LMF1: variants seen among roughly 807,000 people sequenced by gnomAD.
LMF1 encodes the protein transmembrane protein 112.
Under a neutral mutation model 60.6 loss-of-function variants are expected in LMF1, and 68 were observed. The ratio of observed to expected loss-of-function variants is 1.12; its 90% CI spans 0.92 to 1.37. The LOEUF (loss-of-function observed/expected upper bound fraction) is 1.37. Ranked by LOEUF, LMF1 falls within the 40% of genes most tolerant of loss-of-function variation. LMF1 has a pLI of 0.00. For missense variants in LMF1, 948 were observed against 767.2 expected (o/e 1.24, Z -2.78); for synonymous variants, 418 against 324.7 (o/e 1.29, Z -3.09).
At chr16:886,288 C>G (rs538403376) in intron 5 of LMF1, among the ~76,000 whole-genome samples, 136 of 152,266 alleles carry the variant, frequency 8.9e-4, no homozygotes, top group African/African-American at 3.2e-3. Context: ...GGTAGAACAG[C>G]CGTGAGCACT....
At chr16:934,373 C>A in intron 2 of LMF1, 119 bp from the exon 3 acceptor site, 1 of 1,330,498 alleles carries the variant, frequency 7.5e-7, no homozygotes, top group Non-Finnish European at 1.1e-6. Flanking sequence ...GTCAGGGAAG[C>A]CCTGCGAGGA....
Position 858,972 on chromosome 16 carries a change from T to TGTGCAGTGGTGC in LMF1, c.1530-4267_1530-4266insGCACCACTGCAC, listed in dbSNP as rs2069319412. Among the ~76,000 whole-genome samples the TGTGCAGTGGTGC allele has an allele frequency of 3.6e-5, 3 of 84,132 alleles. 1 individual carries two copies. The highest frequency in any genetic ancestry group is 2.3e-4 in the African/African-American group (3 of 13,078). The allele number at this position is 84,132 out of a possible 152,430, so 55.2% of individuals were successfully genotyped here. A position where few individuals can be genotyped will look rare whatever the true frequency, so the allele number is the denominator to read the frequency against. On this transcript the variant is annotated intron_variant, in intron 10 of 10. Transcript: ENST00000262301. ...GTCACGGGACGGGTGTGCAGTGGTG[T>TGTGCAGTGGTGC]CACGGGACGGGTGTGCAGTGGTGTC...
chr16:979,917 G>T, intron 1 of LMF1: 1 of 370,374 alleles, frequency 2.7e-6, no homozygotes, highest in South Asian at 2.0e-5. Flanking sequence ...GCCACGGAAG[G>T]ATGCGGGGAC....
At chr16:969,995 C>T (rs1012795408) in intron 1 of LMF1, among the ~76,000 whole-genome samples, 11 of 152,212 alleles carry the variant, frequency 7.2e-5, no homozygotes, top group Non-Finnish European at 1.5e-4. Context: ...CTGTAGGCTG[C>T]GCACGCGGGC....
chr16:900,681 ATGTGTGTGTGTGTGTGTGTGTGTGTGTG>A (rs139778716), intron 4 of LMF1: 1 of 90,812 alleles, frequency 1.1e-5, no homozygotes, highest in African/African-American at 5.7e-5. Context: ...GCTAATTTTT[ATGTGTGTGTGTGTGTGTGTGTGTGTGTG>A]TGTGTGTGTG....
chr16:960,559 A>T (rs2072807957), intron 1 of LMF1, among the ~76,000 whole-genome samples: 1 of 133,720 alleles, frequency 7.5e-6, no homozygotes, highest in Non-Finnish European at 1.7e-5. Flanking sequence ...CCAGACACAG[A>T]CTCACGGTGA....
Position 945,211 on chromosome 16 carries a change from C to CAAAAAAA in LMF1, c.503+9139_503+9145dup, listed in dbSNP as rs60283096. On this transcript the variant is annotated intron_variant, in intron 2 of 10. Coordinates refer to ENST00000262301, the MANE Select transcript of LMF1 (RefSeq NM_022773.4). ...GGGCGACAAGAGCGAGACTCCATCT[C>CAAAAAAA]AAAAAAAAAAAAAAAAAGGAAAATA... Among the ~76,000 whole-genome samples the CAAAAAAA allele has an allele frequency of 5.1e-5, 4 of 79,010 alleles. 1 individual carries two copies. Among genetic ancestry groups the CAAAAAAA allele is most frequent in the Non-Finnish European group, 6.7e-5 (3 of 44,542 alleles). 51.8% of individuals were successfully genotyped at this position (79,010 alleles called of 152,430 possible). A position where few individuals can be genotyped will look rare whatever the true frequency, so the allele number is the denominator to read the frequency against.
chr16:899,141 C>A (rs730861), intron 4 of LMF1: 28 of 152,374 alleles, frequency 1.8e-4, no homozygotes, highest in African/African-American at 6.7e-4. Flanking sequence ...GACACCCTCG[C>A]CCTGGAGGCT....
At chr16:935,153 A>G (rs978983802) in intron 2 of LMF1, among the ~76,000 whole-genome samples, 8 of 150,426 alleles carry the variant, frequency 5.3e-5, no homozygotes, top group Non-Finnish European at 1.0e-4. Flanking sequence ...CCCAGGTTGG[A>G]GTGCAGCGGT....
chr16:868,002 A>T (rs1315974180), intron 10 of LMF1, among the ~76,000 whole-genome samples: 3 of 152,062 alleles, frequency 2.0e-5, no homozygotes. Flanking sequence ...TGGAGGGAAA[A>T]TCCAGAGCTG....
intron 1 of LMF1, among the ~76,000 whole-genome samples, chr16:959,893 G>A (rs147583573): frequency 1.2e-4 from 18 of 150,724 alleles, no homozygotes; most frequent in African/African-American, 4.0e-4. Flanking sequence ...AGGACGGAAG[G>A]CTGGAATACA....
chr16:910,914 A>G lies in LMF1; in HGVS notation c.663+17T>C. 1 of 1,612,290 alleles carries G rather than the reference A, an allele frequency of 6.2e-7. No homozygotes were observed. The highest frequency in any genetic ancestry group is 1.3e-5 in the African/African-American group (1 of 75,034). ...CACCGTTATTCCCCAAACACCACGC[A>G]GAAGAGCTCCACTTACTGCTCCAAG... On this transcript the variant is annotated intron_variant, in intron 4 of 10. Transcript: ENST00000262301.
At chr16:927,202 T>C (rs919519454) in intron 3 of LMF1, among the ~76,000 whole-genome samples, 1 of 152,198 alleles carries the variant, frequency 6.6e-6, no homozygotes, top group Non-Finnish European at 1.5e-5. Context: ...CCCGTGGAGA[T>C]GGCTCACAGC....
intron 10 of LMF1, among the ~76,000 whole-genome samples, chr16:861,663 A>C (rs1487719112): frequency 6.6e-6 from 1 of 152,110 alleles, no homozygotes; most frequent in African/African-American, 2.4e-5. Flanking sequence ...GCCTCGCTTC[A>C]TAATTCTAGG....
Position 878,978 on chromosome 16 carries a change from A to G in LMF1, c.897+592T>C, listed in dbSNP as rs996450055. ...AAAAGCAAAGGCTCGGGACTGGCCC[A>G]GCCCCCCTGGAGGCAGCGTGGGGGT... On this transcript the variant is annotated intron_variant, in intron 6 of 10. Coordinates refer to ENST00000262301, the MANE Select transcript of LMF1 (RefSeq NM_022773.4). This position sits in a 1 kb window ranked among gnomAD's most constrained non-coding sequence, Gnocchi z 5.2. Among the ~76,000 whole-genome samples, 1 of 152,152 alleles carries G rather than the reference A, an allele frequency of 6.6e-6. No homozygotes were observed. Among genetic ancestry groups the G allele is most frequent in the African/African-American group, 2.4e-5 (1 of 41,422 alleles).
chr16:905,716 A>C (rs749558888), intron 4 of LMF1, among the ~76,000 whole-genome samples: 9 of 148,454 alleles, frequency 6.1e-5, no homozygotes, highest in Non-Finnish European at 1.0e-4. Context: ...GTGCCTTGTC[A>C]TTTTCTCGGT....
chr16:904,192 G>A (rs2070906573), intron 4 of LMF1, among the ~76,000 whole-genome samples: 1 of 91,230 alleles, frequency 1.1e-5, no homozygotes, highest in East Asian at 3.4e-4. Context: ...TCTCTGCTGC[G>A]TGGTGGTGAC....
At chr16:915,332 C>T (rs2071251122) in intron 3 of LMF1, among the ~76,000 whole-genome samples, 1 of 152,162 alleles carries the variant, frequency 6.6e-6, no homozygotes, top group South Asian at 2.1e-4. Flanking sequence ...GTGCGGAGAG[C>T]CCTCTTCATC....
At chr16:933,944 C>T (rs773562252) in intron 3 of LMF1, 3 of 1,399,308 alleles carry the variant, frequency 2.1e-6, no homozygotes, top group South Asian at 2.5e-5. Context: ...GGGGGATGGG[C>T]CTGTGGGTGC....
Sources: allele counts gnomAD v4.1 joint callset (sites outside exome capture counted in the v4.1 genomes callset), GRCh38; gene constraint gnomAD v4.1.1; non-coding constraint Gnocchi (gnomAD v3.1); transcripts MANE v1.5; gene names NCBI Gene and HGNC (gene_info 2026-07-23, HGNC 2026-07-21).